Variants in TRAPPC9 observed in about 807,000 individuals in gnomAD.
The protein encoded by TRAPPC9 is trafficking protein particle complex subunit 9, also known as IKK2 binding protein.
TRAPPC9 carries 83 observed loss-of-function variants against 124.0 expected under a neutral mutation model. The ratio of observed to expected loss-of-function variants is 0.67; its 90% confidence interval spans 0.56 to 0.80. TRAPPC9 has a LOEUF of 0.80. Among genes scored for constraint, TRAPPC9 ranks in the 30% least tolerant of loss-of-function variants. The pLI is 0.00. For synonymous variants in TRAPPC9, 638 were observed against 617.5 expected, an observed-to-expected ratio of 1.03 and a Z score of -0.49; for missense variants, 1,302 against 1,508.3, an observed-to-expected ratio of 0.86 and a Z score of 2.27.
At chr8:140,331,094 A>AC (rs2066882237) in intron 9 of TRAPPC9, among the ~76,000 whole-genome samples, 1 of 152,226 alleles carries the variant, frequency 6.6e-6, no homozygotes, top group South Asian at 2.1e-4. Flanking sequence ...AGTAAGCAAA[A>AC]CATCATGGTA....
intron 19 of TRAPPC9, among the ~76,000 whole-genome samples, chr8:139,945,225 T>G (rs937548910): frequency 2.0e-5 from 3 of 152,070 alleles, no homozygotes; most frequent in African/African-American, 7.2e-5. Flanking sequence ...ATATGAAAAC[T>G]TATGCAGGTT....
intron 19 of TRAPPC9, chr8:139,933,189 C>T (rs1448656802): frequency 6.5e-6 from 1 of 152,952 alleles, no homozygotes; most frequent in East Asian, 1.9e-4. Context: ...TGCTCTGAAT[C>T]GTACCTGGAT....
At chr8:140,191,527 T>A (rs1229766747) in intron 17 of TRAPPC9, among the ~76,000 whole-genome samples, 1 of 152,060 alleles carries the variant, frequency 6.6e-6, no homozygotes, top group East Asian at 1.9e-4. Flanking sequence ...GTGTGGCACC[T>A]CCCAATCTCT....
At position 139,737,478 on chromosome 8, in the gene TRAPPC9, C is replaced by CCCA. The variant is rs1554633750; in HGVS notation, c.3056-5277_3056-5276insTGG. ...GGGTCATCAGCCCTCCCCCCCCCCC[C>CCCA]ACGGAAAACCCTGAGTCTGGTGTCT... On this transcript the variant is annotated intron_variant, in intron 21 of 22. Transcript: ENST00000438773. 1.6e-5 allele frequency among the ~76,000 whole-genome samples: 2 copies of CCCA among 127,208 alleles called. 1 individual carries two copies. Among genetic ancestry groups the CCCA allele is most frequent in the Non-Finnish European group, 3.5e-5 (2 of 57,110 alleles). The allele number at this position is 127,208 out of a possible 152,430, so 83.5% of individuals were successfully genotyped here.
chr8:140,004,697 C>T (rs1367656350), intron 18 of TRAPPC9, among the ~76,000 whole-genome samples: 9 of 152,132 alleles, frequency 5.9e-5, no homozygotes, highest in East Asian at 3.8e-4. Flanking sequence ...GACTCAATAT[C>T]GACTCAGCTA....
intron 19 of TRAPPC9, among the ~76,000 whole-genome samples, chr8:139,967,822 C>G (rs529310377): frequency 1.3e-5 from 2 of 152,156 alleles, no homozygotes; most frequent in Admixed American, 6.5e-5. Context: ...TTAAAAAGCA[C>G]GCTTTGTTTT....
Position 139,739,691 on chromosome 8 carries a change from C to T in TRAPPC9, c.3056-7489G>A, listed in dbSNP as rs117734050. 1.7e-3 allele frequency among the ~76,000 whole-genome samples: 257 copies of T among 152,372 alleles called. 1 individual carries two copies. Among genetic ancestry groups the T allele is most frequent in the East Asian group, 0.012 (62 of 5,184 alleles). ...GGGCTTCCTGCCCCTGCCAGCCACTCGGCCACATTCATGTATTTTCTCATG... is the reference window on the plus strand; with the variant it reads ...GGGCTTCCTGCCCCTGCCAGCCACTTGGCCACATTCATGTATTTTCTCATG... On this transcript the variant is annotated intron_variant, in intron 21 of 22. Transcript: ENST00000438773.
At chr8:140,157,211 T>TCTC (rs1158192588) in intron 17 of TRAPPC9, among the ~76,000 whole-genome samples, 2 of 31,204 alleles carry the variant, frequency 6.4e-5, no homozygotes, top group Admixed American at 3.4e-4. Flanking sequence ...AAGCCTCCCT[T>TCTC]TTCCATTCAA....
chr8:139,731,456 G>A (rs891482178), intron 22 of TRAPPC9, among the ~76,000 whole-genome samples: 1 of 152,166 alleles, frequency 6.6e-6, no homozygotes, highest in African/African-American at 2.4e-5. Context: ...GGGGGCTCAG[G>A]GGGTCAGGAG....
Position 140,368,235 on chromosome 8 carries a change from A to G in TRAPPC9, c.1351+2729T>C, listed in dbSNP as rs117034955. Among the ~76,000 whole-genome samples, 4 of 152,314 alleles carry G rather than the reference A, an allele frequency of 2.6e-5. No individual in the cohort carries two copies. In the East Asian group the frequency reaches 7.7e-4, roughly 29 times the overall value. On this transcript the variant is annotated intron_variant, in intron 8 of 22. Transcript: ENST00000438773. Reference sequence around the variant, plus strand: ...ATACTGAGTGCAAGAGGTCAAGAGCAGAGTTCAGGACCCTCTCCAGCAGGC... The same window carrying G: ...ATACTGAGTGCAAGAGGTCAAGAGCGGAGTTCAGGACCCTCTCCAGCAGGC...
intron 19 of TRAPPC9, among the ~76,000 whole-genome samples, chr8:139,957,451 G>A (rs2131541971): frequency 6.6e-6 from 1 of 152,368 alleles, no homozygotes; most frequent in South Asian, 2.1e-4. Context: ...GAGAGGCAGG[G>A]ACAGCAGGAG....
intron 9 of TRAPPC9, among the ~76,000 whole-genome samples, chr8:140,312,786 A>C (rs1367465686): frequency 2.9e-5 from 4 of 136,226 alleles, no homozygotes; most frequent in Non-Finnish European, 4.6e-5. Flanking sequence ...TTGAAACAGG[A>C]TCTCACTCTG....
At chr8:139,997,027 G>A (rs1405746108) in intron 18 of TRAPPC9, among the ~76,000 whole-genome samples, 3 of 152,126 alleles carry the variant, frequency 2.0e-5, no homozygotes, top group Admixed American at 6.5e-5. Context: ...GATTACAGGC[G>A]TGAGCCATCA....
At chr8:139,966,158 T>C (rs2131586901) in intron 19 of TRAPPC9, among the ~76,000 whole-genome samples, 1 of 152,370 alleles carries the variant, frequency 6.6e-6, no homozygotes, top group African/African-American at 2.4e-5. Flanking sequence ...ACAAGGCCAC[T>C]GGCTTGACCA....
intron 17 of TRAPPC9, among the ~76,000 whole-genome samples, chr8:140,193,267 C>T (rs898783856): frequency 2.6e-5 from 4 of 152,174 alleles, no homozygotes; most frequent in African/African-American, 9.7e-5. Context: ...GAGATATTGG[C>T]TATTTCCCCC....
intron 14 of TRAPPC9, among the ~76,000 whole-genome samples, chr8:140,280,383 G>A (rs2065271543): frequency 6.6e-6 from 1 of 152,088 alleles, no homozygotes; most frequent in Non-Finnish European, 1.5e-5. Flanking sequence ...ATCATTTTTG[G>A]TAAATTTACA....
intron 17 of TRAPPC9, among the ~76,000 whole-genome samples, chr8:140,037,092 G>A (rs1053904697): frequency 6.6e-6 from 1 of 151,734 alleles, no homozygotes; most frequent in African/African-American, 2.4e-5. Context: ...GTCATGTGAT[G>A]TATTTCAAAT....
chr8:140,236,227 C>T (rs1420472854), intron 16 of TRAPPC9, among the ~76,000 whole-genome samples: 3 of 151,978 alleles, frequency 2.0e-5, no homozygotes, highest in South Asian at 2.1e-4. Flanking sequence ...GGATTATAAG[C>T]GTGTGCCACC....
intron 17 of TRAPPC9, among the ~76,000 whole-genome samples, chr8:140,059,734 T>C (rs1842488380): frequency 6.6e-6 from 1 of 152,262 alleles, no homozygotes; most frequent in African/African-American, 2.4e-5. Context: ...ATGAAGTGTT[T>C]GTTCACATTT....
Sources: gnomAD v4.1 joint callset for allele counts (sites outside exome capture counted in the v4.1 genomes callset) on GRCh38, gnomAD v4.1.1 for gene constraint, MANE v1.5 for transcripts, NCBI Gene and HGNC (gene_info 2026-07-23, HGNC 2026-07-21) for gene names.